Variants in GPAT3 observed in about 807,000 individuals in gnomAD.
GPAT3 encodes 1-AGP acyltransferase 9.
In GPAT3, 53 loss-of-function variants were observed where a neutral mutation model predicts 58.8. The ratio of observed to expected loss-of-function variants is 0.90; its 90% CI spans 0.72 to 1.13. The LOEUF (loss-of-function observed/expected upper bound fraction) is 1.13, where lower values mean the gene tolerates loss of function less well. GPAT3 is among the 50% of genes most tolerant of loss of function. The pLI is 0.00. For synonymous variants in GPAT3, 197 were observed against 187.4 expected, an observed-to-expected ratio of 1.05 and a Z score of -0.42; for missense variants, 511 against 527.6, an observed-to-expected ratio of 0.97 and a Z score of 0.31.
At chr4:83,571,226 G>A (rs888542164) in intron 2 of GPAT3, among the ~76,000 whole-genome samples, 5 of 151,992 alleles carry the variant, frequency 3.3e-5, no homozygotes, top group Admixed American at 3.3e-4. Context: ...ATTGATAATT[G>A]GGTTAGTTCC....
At chr4:83,595,695 C>T (rs1726796662) in intron 7 of GPAT3, among the ~76,000 whole-genome samples, 1 of 151,140 alleles carries the variant, frequency 6.6e-6, no homozygotes, top group Non-Finnish European at 1.5e-5. Context: ...GCCTAGGCAA[C>T]AGGGGGAGAC....
rs780179869 is a variant in GPAT3, at chr4:83,536,653, C to T, written c.31C>T (p.Leu11Phe). 11 of 1,613,244 alleles carry T rather than the reference C, an allele frequency of 6.8e-6. No individual in the cohort carries two copies. The highest frequency in any genetic ancestry group is 9.3e-6 in the Non-Finnish European group (11 of 1,180,008). The change falls in exon 1 of 12, where the codon CTT becomes TTT. Residue 11 changes from leucine (L) to phenylalanine (F), a missense_variant. Coordinates refer to ENST00000264409, the MANE Select transcript of GPAT3 (RefSeq NM_032717.5). ...GGGCGCAGAGCTGGCCGGGAAGATC[C>T]TTTCCACCTGGCTGACGCTGGTTCT... The part of the protein sequence containing the change: MEGAELAGKI[L>F]STWLTLVLGF...
intron 2 of GPAT3, among the ~76,000 whole-genome samples, chr4:83,551,961 A>G (rs1417641038): frequency 6.6e-6 from 1 of 152,100 alleles, no homozygotes; most frequent in Non-Finnish European, 1.5e-5. Flanking sequence ...AAACATCAGT[A>G]GTCATTCAGC....
At chr4:83,565,134 T>G (rs1478652762) in intron 2 of GPAT3, among the ~76,000 whole-genome samples, 3 of 152,096 alleles carry the variant, frequency 2.0e-5, no homozygotes, top group Non-Finnish European at 2.9e-5. Flanking sequence ...GGAGTCTTGC[T>G]GTGTTGCCCA....
chr4:83,561,819 A>G (rs76319404), intron 2 of GPAT3, among the ~76,000 whole-genome samples: 15 of 151,362 alleles, frequency 9.9e-5, no homozygotes, highest in Non-Finnish European at 1.5e-4. Context: ...AAAAAAAAAA[A>G]AGAGAGAGAG....
upstream of GPAT3, chr4:83,535,767 G>A (rs189377027): frequency 6.5e-5 from 64 of 985,468 alleles, no homozygotes; most frequent in Admixed American, 3.1e-4. Context: ...CAGAAGCGGC[G>A]TACACGGCTG....
chr4:83,587,312 G>T lies in GPAT3; in HGVS notation c.537G>T (p.Gly179=). ...SLLVIGTTLV[G]QLPDSSLKNW... Reference sequence around the variant, plus strand: ...TGGTTATAGGAACTACACTGGTTGGGCAGCTGCCAGACAGCAGGTGAAATG... The same window carrying T: ...TGGTTATAGGAACTACACTGGTTGGTCAGCTGCCAGACAGCAGGTGAAATG... The change falls in exon 4 of 12, where the codon GGG becomes GGT. Residue 179 remains glycine (G), a synonymous_variant. Coordinates refer to ENST00000264409, the MANE Select transcript of GPAT3 (RefSeq NM_032717.5). The T allele has an allele frequency of 6.2e-7, 1 of 1,613,818 alleles. No individual in the cohort carries two copies.
chr4:83,603,383 G>T (rs2110113540), intron 11 of GPAT3, among the ~76,000 whole-genome samples: 1 of 152,348 alleles, frequency 6.6e-6, no homozygotes. Context: ...AAGGAATGCT[G>T]CTTACATAGG....
chr4:83,586,150 T>C (rs1726368429), intron 3 of GPAT3, among the ~76,000 whole-genome samples: 1 of 152,192 alleles, frequency 6.6e-6, no homozygotes, highest in African/African-American at 2.4e-5. Context: ...ACTTAGAATA[T>C]TGCGTGGTGT....
chr4:83,538,383 G>A (rs956178783), intron 1 of GPAT3, among the ~76,000 whole-genome samples: 9 of 152,154 alleles, frequency 5.9e-5, no homozygotes, highest in Non-Finnish European at 1.3e-4. Flanking sequence ...TACATTCTGA[G>A]CTTGGTCACA....
chr4:83,581,469 T>C (rs1726121476), intron 2 of GPAT3, 93 bp from the exon 3 acceptor site: 1 of 1,330,708 alleles, frequency 7.5e-7, no homozygotes, highest in Non-Finnish European at 1.0e-6. Context: ...TTTACTTGTT[T>C]GGCATATTTA....
At chr4:83,596,215 A>T (rs913705912) in intron 7 of GPAT3, among the ~76,000 whole-genome samples, 5 of 152,198 alleles carry the variant, frequency 3.3e-5, no homozygotes, top group African/African-American at 1.2e-4. Flanking sequence ...AGGAAACCTA[A>T]GTACATGGAG....
Position 83,536,606 on chromosome 4 carries a change from A to T in GPAT3, c.-17A>T. The T allele has an allele frequency of 6.2e-7, 1 of 1,610,010 alleles. No homozygotes were observed. ...GGCCCTCCACTGCGGACCTCTCCTG[A>T]GTGGGTGCGCCGAGTCATGGAGGGC... On this transcript the variant is annotated 5_prime_UTR_variant, in exon 1 of 12. Coordinates refer to ENST00000264409, the MANE Select transcript of GPAT3 (RefSeq NM_032717.5).
At chr4:83,553,306 C>T (rs752859342) in intron 2 of GPAT3, among the ~76,000 whole-genome samples, 7 of 152,170 alleles carry the variant, frequency 4.6e-5, no homozygotes, top group Non-Finnish European at 7.3e-5. Context: ...AGGCTCCCAT[C>T]TAAGGAAACT....
At chr4:83,547,485 C>T (rs1303758123) in intron 2 of GPAT3, among the ~76,000 whole-genome samples, 1 of 151,964 alleles carries the variant, frequency 6.6e-6, no homozygotes, top group African/African-American at 2.4e-5. Flanking sequence ...ATCTCCTGAC[C>T]TTGTGATCTG....
intron 2 of GPAT3, among the ~76,000 whole-genome samples, chr4:83,554,801 CTTTTTTTTTTTTT>C (rs34785812): frequency 3.1e-5 from 4 of 129,960 alleles, no homozygotes; most frequent in African/African-American, 1.1e-4. Flanking sequence ...GAAGCTCCCT[CTTTTTTTTTTTTT>C]TTTTTTTGAG....
intron 1 of GPAT3, among the ~76,000 whole-genome samples, chr4:83,538,324 G>C (rs1167586223): frequency 6.6e-6 from 1 of 152,140 alleles, no homozygotes; most frequent in Non-Finnish European, 1.5e-5. Context: ...AAGTTCTACT[G>C]TTTCTACTTG....
intron 1 of GPAT3, among the ~76,000 whole-genome samples, chr4:83,537,573 TTTAA>T (rs904667817): frequency 2.0e-5 from 3 of 149,930 alleles, no homozygotes; most frequent in African/African-American, 7.4e-5. Flanking sequence ...TAAAAAAAAA[TTTAA>T]TTATATGTAT....
rs181332938 is a variant in GPAT3 at position 83,564,259 on chromosome 4, A to G, written c.209-17303A>G. Among the ~76,000 whole-genome samples the G allele has an allele frequency of 3.3e-3, 500 of 152,322 alleles. 1 individual carries two copies. The highest frequency in any genetic ancestry group is 5.2e-3 in the Non-Finnish European group (352 of 68,026). On this transcript the variant is annotated intron_variant, in intron 2 of 11. Coordinates refer to ENST00000264409, the MANE Select transcript of GPAT3 (RefSeq NM_032717.5). The stretch of plus-strand genomic sequence containing the variant: ...GAAGTGGAAATGCGGTTTGGTTCTA[A>G]TTAGTATTTCTCTGATAAAACATTT...
Sources: allele counts gnomAD v4.1 joint callset (sites outside exome capture counted in the v4.1 genomes callset), GRCh38; gene constraint gnomAD v4.1.1; transcripts MANE v1.5; gene names NCBI Gene and HGNC (gene_info 2026-07-23, HGNC 2026-07-21).